The following TUSC3 variants were observed in gnomAD, a reference collection of about 807,000 sequenced individuals.
The protein encoded by TUSC3 is dolichyl-diphosphooligosaccharide--protein glycosyltransferase subunit TUSC3.
Under a neutral mutation model 44.8 loss-of-function variants are expected in TUSC3, and 45 were observed. The observed-to-expected ratio is 1.00, with a 90% CI of 0.79 to 1.29. The LOEUF (loss-of-function observed/expected upper bound fraction) is 1.29, where lower values mean the gene tolerates loss of function less well. TUSC3 is among the 50% of genes most tolerant of loss of function. The pLI is 0.00. For missense variants in TUSC3, 519 were observed against 437.9 expected (o/e 1.19, Z -1.65); for synonymous variants, 212 against 152.9 (o/e 1.39, Z -2.85).
At chr8:15,636,862 G>A (rs6530891) in intron 2 of TUSC3, among the ~76,000 whole-genome samples, 124,020 of 152,144 alleles carry the variant, frequency 0.82, 51,280 homozygotes, top group African/African-American at 0.94. Flanking sequence ...TCACTGCTGG[G>A]GAAATTGAGT....
upstream of TUSC3, among the ~76,000 whole-genome samples, chr8:15,537,671 T>A (rs946721889): frequency 6.6e-6 from 1 of 152,074 alleles, no homozygotes; most frequent in African/African-American, 2.4e-5. Flanking sequence ...ACTTGGAAAC[T>A]GAATATAAAG....
chr8:15,617,797 C>T lies in TUSC3; in HGVS notation c.139-5283C>T, dbSNP rs191926599. 1.2e-4 allele frequency among the ~76,000 whole-genome samples: 18 copies of T among 152,298 alleles called. No individual in the cohort carries two copies. The East Asian group carries it at 2.9e-3, about 24-fold the overall frequency. Reference sequence around the variant, plus strand: ...TTGGTTTTTATTTTGAAACCATCCTCCCAACCCTGGCTGATCATTTAAAAA... The same window carrying T: ...TTGGTTTTTATTTTGAAACCATCCTTCCAACCCTGGCTGATCATTTAAAAA... On this transcript the variant is annotated intron_variant, in intron 1 of 10. Coordinates refer to ENST00000503731, the MANE Select transcript of TUSC3 (RefSeq NM_006765.4).
At chr8:15,825,022 A>T in the TUSC3 span, among the ~76,000 whole-genome samples, 1 of 152,184 alleles carries the variant, frequency 6.6e-6, no homozygotes, top group Middle Eastern at 3.2e-3. Flanking sequence ...TTAAATTTTC[A>T]AAGGTTATAT....
At chr8:15,638,751 C>G (rs1287404083) in intron 2 of TUSC3, among the ~76,000 whole-genome samples, 1 of 152,122 alleles carries the variant, frequency 6.6e-6, no homozygotes, top group Non-Finnish European at 1.5e-5. Context: ...GTCTCAACCT[C>G]CCAACCTCAA....
chr8:15,441,840 T>G (rs1800024258), intron 1 of TUSC3, among the ~76,000 whole-genome samples: 1 of 152,204 alleles, frequency 6.6e-6, no homozygotes, highest in African/African-American at 2.4e-5. Context: ...ATTATGCTTC[T>G]CTAAGCACAA....
At chr8:15,791,477 A>G in the TUSC3 span, among the ~76,000 whole-genome samples, 1 of 152,096 alleles carries the variant, frequency 6.6e-6, no homozygotes, top group African/African-American at 2.4e-5. Context: ...TGCATTGTAA[A>G]CTGGATTAGA....
intron 7 of TUSC3, among the ~76,000 whole-genome samples, chr8:15,731,434 A>C (rs984754087): frequency 3.3e-5 from 5 of 152,182 alleles, no homozygotes; most frequent in African/African-American, 2.4e-5. Context: ...TATCCTGGTT[A>C]CTAAGATTCA....
the TUSC3 span, among the ~76,000 whole-genome samples, chr8:15,841,763 C>T: frequency 6.2e-4 from 95 of 152,312 alleles, no homozygotes; most frequent in Non-Finnish European, 9.6e-4. Context: ...ATTTGACCGC[C>T]TTGGCCTCCC....
chr8:15,436,924 C>G (rs1029473124), intron 1 of TUSC3, among the ~76,000 whole-genome samples: 1 of 152,122 alleles, frequency 6.6e-6, no homozygotes, highest in African/African-American at 2.4e-5. Flanking sequence ...GTTGATAATT[C>G]AGATCAATCT....
chr8:15,628,449 A>G (rs1443118612), intron 2 of TUSC3, among the ~76,000 whole-genome samples: 1 of 152,140 alleles, frequency 6.6e-6, no homozygotes, highest in African/African-American at 2.4e-5. Flanking sequence ...TTATTTGTTC[A>G]TTATAGCCTA....
intron 7 of TUSC3, among the ~76,000 whole-genome samples, chr8:15,742,752 G>T (rs538286841): frequency 6.6e-6 from 1 of 152,314 alleles, no homozygotes; most frequent in East Asian, 1.9e-4. Flanking sequence ...TTAATCGCTT[G>T]GGCGAAATAC....
the TUSC3 span, among the ~76,000 whole-genome samples, chr8:15,795,202 T>A: frequency 6.6e-6 from 1 of 152,172 alleles, no homozygotes; most frequent in African/African-American, 2.4e-5. Flanking sequence ...AGTTTCTGTA[T>A]CGACCTTTTC....
chr8:15,434,384 G>A (rs7813606), intron 1 of TUSC3, among the ~76,000 whole-genome samples: 25,031 of 151,946 alleles, frequency 0.16, 2,118 homozygotes, highest in Middle Eastern at 0.22. Context: ...TTCTTGCAAC[G>A]CAAATTGTAC....
intron 1 of TUSC3, among the ~76,000 whole-genome samples, chr8:15,610,411 A>G (rs1288561279): frequency 6.6e-6 from 1 of 152,222 alleles, no homozygotes; most frequent in Non-Finnish European, 1.5e-5. Context: ...TTTTCAATGT[A>G]GAATTTAATG....
intron 1 of TUSC3, among the ~76,000 whole-genome samples, chr8:15,582,018 G>A (rs543406585): frequency 4.7e-4 from 71 of 152,132 alleles, no homozygotes; most frequent in South Asian, 2.7e-3. Context: ...GTGGTGCGCC[G>A]CTTTTTAAGC....
the TUSC3 span, among the ~76,000 whole-genome samples, chr8:15,851,837 C>T: frequency 6.6e-6 from 1 of 152,082 alleles, no homozygotes; most frequent in Non-Finnish European, 1.5e-5. Context: ...TCCCATAATT[C>T]CCACGTGTTG....
rs1285641339 is a variant in TUSC3 at position 15,560,371 on chromosome 8, C to A, written c.138+19803C>A. On this transcript the variant is annotated intron_variant, in intron 1 of 10. Transcript: ENST00000503731. ...GCTTGTAGGGTTTCTGCTGAGAGAT[C>A]CGCTGTTAGTCTGATGGGCTTCCCT... Among the ~76,000 whole-genome samples the A allele has an allele frequency of 1.8e-3, 253 of 139,366 alleles. 10 individuals carry two copies. The highest frequency in any genetic ancestry group is 6.4e-3 in the African/African-American group (246 of 38,396). The allele number at this position is 139,366 out of a possible 152,430, so 91.4% of individuals were successfully genotyped here.
chr8:15,417,947 A>G (rs1044911136), intron 1 of TUSC3, among the ~76,000 whole-genome samples: 3 of 152,252 alleles, frequency 2.0e-5, no homozygotes, highest in African/African-American at 7.2e-5. Context: ...GTTCTTTGCA[A>G]CATTACAGAA....
At chr8:15,850,218 T>C in the TUSC3 span, among the ~76,000 whole-genome samples, 3 of 151,888 alleles carry the variant, frequency 2.0e-5, no homozygotes, top group Non-Finnish European at 4.4e-5. Flanking sequence ...ACTATGAACA[T>C]AGATACTAAA....
Sources: gnomAD v4.1 joint callset for allele counts (sites outside exome capture counted in the v4.1 genomes callset) on GRCh38, gnomAD v4.1.1 for gene constraint, MANE v1.5 for transcripts, NCBI Gene and HGNC (gene_info 2026-07-23, HGNC 2026-07-21) for gene names.